NDUFS3: variants seen among roughly 807,000 people sequenced by gnomAD.
The protein encoded by NDUFS3 is NADH:ubiquinone oxidoreductase core subunit S3.
NDUFS3 carries 19 observed loss-of-function variants against 30.8 expected under a neutral mutation model. That is an observed-to-expected ratio of 0.62 (90% confidence interval 0.43 to 0.91). The LOEUF (loss-of-function observed/expected upper bound fraction) is 0.91. Among genes scored for constraint, NDUFS3 ranks in the 40% least tolerant of loss-of-function variants. The probability of loss-of-function intolerance (pLI) is 0.00; values close to 1 mark genes in which losing one functional copy is unlikely to be tolerated. For synonymous variants in NDUFS3, 153 were observed against 135.8 expected, an observed-to-expected ratio of 1.13 and a Z score of -0.88; for missense variants, 331 against 342.0, an observed-to-expected ratio of 0.97 and a Z score of 0.25.
intron 2 of NDUFS3, chr11:47,579,737 C>T: frequency 3.1e-6 from 1 of 324,386 alleles, no homozygotes; most frequent in Non-Finnish European, 5.9e-6. Flanking sequence ...TCTTACTCTT[C>T]TTACTATAGA....
intron 6 of NDUFS3, among the ~76,000 whole-genome samples, chr11:47,582,787 G>A (rs957887116): frequency 9.9e-5 from 15 of 152,148 alleles, no homozygotes; most frequent in Non-Finnish European, 2.1e-4. Context: ...CTTGAGTCCA[G>A]GAGTTCGAGA....
In NDUFS3 at chr11:47,584,039, T is replaced by C. The variant is rs187829831; in HGVS notation, c.628-275T>C. On this transcript the variant is annotated intron_variant, in intron 6 of 6. Coordinates refer to ENST00000263774, the MANE Select transcript of NDUFS3 (RefSeq NM_004551.3). ...GGTGGGTGAGCAGTCAGTTCGGAGC[T>C]CCTGATGTGGGAGTGGTGAGCAGGG... Among the ~76,000 whole-genome samples, 15 of 152,194 alleles carry C rather than the reference T, an allele frequency of 9.9e-5. 1 individual carries two copies. The East Asian group carries it at 2.7e-3, about 27-fold the overall frequency.
intron 6 of NDUFS3, among the ~76,000 whole-genome samples, chr11:47,583,456 ACT>A (rs1232129816): frequency 1.3e-5 from 2 of 151,846 alleles, no homozygotes; most frequent in Admixed American, 6.6e-5. Context: ...CCCTGCCCTG[ACT>A]CTCTGGGAAG....
In NDUFS3 at chr11:47,579,330, G is replaced by A. The variant is rs760215179; in HGVS notation, c.129G>A (p.Thr43=). The change falls in exon 2 of 7, where the codon ACG becomes ACA. Residue 43 remains threonine (T), a synonymous_variant. Transcript: ENST00000263774. The part of the protein sequence containing the change: ...PVRRESAGAD[T]RPTVRPRNDV... ...GGCGGGAGAGCGCCGGGGCCGACACGCGCCGTGAGTATGTGCGGGCAGCGC... is the reference window on the plus strand; with the variant it reads ...GGCGGGAGAGCGCCGGGGCCGACACACGCCGTGAGTATGTGCGGGCAGCGC... 3.7e-6 allele frequency: 6 copies of A among 1,613,798 alleles called. No homozygotes were observed. The highest frequency in any genetic ancestry group is 2.2e-5 in the East Asian group (1 of 44,888).
intron 1 of NDUFS3, 44 bp downstream of exon 1, chr11:47,579,202 C>T: frequency 6.2e-7 from 1 of 1,613,808 alleles, no homozygotes; most frequent in Non-Finnish European, 8.5e-7. Flanking sequence ...GGCGCAGCGG[C>T]GTGCCCAGTG....
chr11:47,584,361 G>C lies in NDUFS3; in HGVS notation c.675G>C (p.Glu225Asp). The change falls in exon 7 of 7, where the codon GAG becomes GAC. Residue 225 changes from glutamate (E) to aspartate (D), a missense_variant. Glu to Asp is a conservative substitution (Grantham distance 45). Transcript: ENST00000263774. ...EVKRVVAEPV[E>D]LAQEFRKFDL... is the part of the protein sequence containing the mutation. ...AGCGGGTGGTGGCAGAGCCGGTGGA[G>C]TTGGCCCAAGAGTTCCGCAAATTTG... 1 of 1,614,168 alleles carries C rather than the reference G, an allele frequency of 6.2e-7. No individual in the cohort carries two copies. Among genetic ancestry groups the C allele is most frequent in the Non-Finnish European group, 8.5e-7 (1 of 1,180,030 alleles).
intron 6 of NDUFS3, 122 bp from the exon 7 acceptor site, chr11:47,584,192 C>T: frequency 7.8e-7 from 1 of 1,280,866 alleles, no homozygotes; most frequent in Non-Finnish European, 1.1e-6. Flanking sequence ...GAGGCTGGGA[C>T]AGGAGTCAGT....
At chr11:47,581,357 A>G in intron 4 of NDUFS3, 1 of 313,128 alleles carries the variant, frequency 3.2e-6, no homozygotes, top group Admixed American at 4.6e-5. Context: ...GGGTTTCACC[A>G]TGTTGGCCAG....
chr11:47,583,881 G>T (rs1028927181), intron 6 of NDUFS3, among the ~76,000 whole-genome samples: 1 of 152,206 alleles, frequency 6.6e-6, no homozygotes, highest in Non-Finnish European at 1.5e-5. Context: ...TACTGCTTTA[G>T]ATCTGGACTG....
chr11:47,580,644 T>A (rs1016445582), intron 3 of NDUFS3, 22 bp downstream of exon 3: 2 of 1,611,692 alleles, frequency 1.2e-6, no homozygotes, highest in Non-Finnish European at 1.7e-6. Context: ...TAATGTTATT[T>A]GGGTCTGGGT....
intron 3 of NDUFS3, 90 bp from the exon 4 acceptor site, chr11:47,580,745 C>A (rs1457748785): frequency 6.2e-7 from 1 of 1,600,208 alleles, no homozygotes; most frequent in South Asian, 1.1e-5. Context: ...TTGGACTTTT[C>A]TCTCAGCATT....
intron 6 of NDUFS3, among the ~76,000 whole-genome samples, chr11:47,584,016 T>C (rs2097269963): frequency 6.6e-6 from 1 of 151,986 alleles, no homozygotes; most frequent in Non-Finnish European, 1.5e-5. Context: ...AGTGTGTGGG[T>C]GGGTGAGCAG....
chr11:47,582,894 G>C (rs916709776), intron 6 of NDUFS3, among the ~76,000 whole-genome samples: 24 of 152,140 alleles, frequency 1.6e-4, no homozygotes, highest in Admixed American at 5.2e-4. Flanking sequence ...CTGCTCAAGA[G>C]GCTGAGGTGG....
intron 6 of NDUFS3, 62 bp from the exon 7 acceptor site, chr11:47,584,252 G>A (rs1008322326): frequency 1.3e-5 from 21 of 1,608,778 alleles, no homozygotes; most frequent in African/African-American, 2.7e-5. Context: ...GTGAAAAGTA[G>A]GCTCCTGTGT....
rs374998822 is a variant in NDUFS3 at position 47,579,339 on chromosome 11, G to A, written c.133+5G>A. 2 of 1,613,588 alleles carry A rather than the reference G, an allele frequency of 1.2e-6. No individual in the cohort carries two copies. The highest frequency in any genetic ancestry group is 8.5e-7 in the Non-Finnish European group (1 of 1,180,008). On this transcript the variant is annotated splice_donor_5th_base_variant and intron_variant, in intron 2 of 6. Coordinates refer to ENST00000263774, the MANE Select transcript of NDUFS3 (RefSeq NM_004551.3). ...GCGCCGGGGCCGACACGCGCCGTGAGTATGTGCGGGCAGCGCTCTTCTCTG... is the reference window on the plus strand; with the variant it reads ...GCGCCGGGGCCGACACGCGCCGTGAATATGTGCGGGCAGCGCTCTTCTCTG...
intron 4 of NDUFS3, chr11:47,581,391 G>A (rs777216724): frequency 6.8e-5 from 19 of 278,050 alleles, no homozygotes; most frequent in Admixed American, 2.5e-4. Context: ...TCCTGACCTC[G>A]TGATCTGCCT....
At position 47,584,361 on chromosome 11, in the gene NDUFS3, G is replaced by A. The variant is rs754518075; in HGVS notation, c.675G>A (p.Glu225=). 1.9e-6 allele frequency: 3 copies of A among 1,614,168 alleles called. No homozygotes were observed. Among genetic ancestry groups the A allele is most frequent in the African/African-American group, 1.3e-5 (1 of 75,046 alleles). Residue 225 remains glutamate, a synonymous_variant, in exon 7 of 7, where the codon GAG becomes GAA. Coordinates refer to ENST00000263774, the MANE Select transcript of NDUFS3 (RefSeq NM_004551.3). ...AGCGGGTGGTGGCAGAGCCGGTGGA[G>A]TTGGCCCAAGAGTTCCGCAAATTTG... is the stretch of plus-strand genomic sequence containing the variant. ...EVKRVVAEPV[E]LAQEFRKFDL... is the part of the protein sequence containing the mutation.
At position 47,580,461 on chromosome 11, in the gene NDUFS3, G is replaced by C. The variant is rs945290815; in HGVS notation, c.134-64G>C. Reference sequence around the variant, plus strand: ...TTTGACATCCCTTACAAGCCTAAGAGACTGCATGCAGGGCTGGCTTTTGCC... The same window carrying C: ...TTTGACATCCCTTACAAGCCTAAGACACTGCATGCAGGGCTGGCTTTTGCC... On this transcript the variant is annotated intron_variant, in intron 2 of 6. Transcript: ENST00000263774. 3.2e-5 allele frequency: 47 copies of C among 1,467,718 alleles called. No homozygotes were observed. The Middle Eastern group carries it at 1.2e-3, about 39-fold the overall frequency. The allele number at this position is 1,467,718 out of a possible 1,614,324, so 90.9% of individuals were successfully genotyped here.
intron 6 of NDUFS3, 93 bp from the exon 7 acceptor site, chr11:47,584,220 TG>T: frequency 6.5e-7 from 1 of 1,538,006 alleles, no homozygotes; most frequent in South Asian, 1.1e-5. Flanking sequence ...AGGAATGGGC[TG>T]GGGAAGTCAC....
Sources: allele counts gnomAD v4.1 joint callset (sites outside exome capture counted in the v4.1 genomes callset), GRCh38; gene constraint gnomAD v4.1.1; transcripts MANE v1.5; gene names NCBI Gene and HGNC (gene_info 2026-07-23, HGNC 2026-07-21).